INO80C: variants seen among roughly 807,000 people sequenced by gnomAD.
INO80C encodes the protein IES6 homolog.
A neutral mutation model predicts 17.7 loss-of-function variants in INO80C; 17 were observed. That is an observed-to-expected ratio of 0.96 (90% CI 0.66 to 1.44). The LOEUF is 1.44. Ranked by LOEUF, INO80C falls within the 40% of genes most tolerant of loss-of-function variation. The probability of loss-of-function intolerance (pLI) is 0.00; values close to 1 mark genes in which losing one functional copy is unlikely to be tolerated. For missense variants in INO80C, 244 were observed against 245.0 expected (o/e 1.00, Z 0.03); for synonymous variants, 96 against 95.8 (o/e 1.00, Z -0.01).
In INO80C at chr18:35,468,381, T is replaced by G; in HGVS notation, c.*230A>C. 3 of 1,370,226 alleles carry G rather than the reference T, an allele frequency of 2.2e-6. No homozygotes were observed. The highest frequency in any genetic ancestry group is 2.8e-6 in the Non-Finnish European group (3 of 1,060,656). The allele number at this position is 1,370,226 out of a possible 1,614,324, so 84.9% of individuals were successfully genotyped here. ...GTATCTTCTTGTCAAACACCTTTAC[T>G]TGAGGCAACAACTGAAGTATAATTT... On this transcript the variant is annotated 3_prime_UTR_variant, in exon 5 of 5. Coordinates refer to ENST00000334598, the MANE Select transcript of INO80C (RefSeq NM_194281.4).
At chr18:35,497,674 C>T (rs368750058) in intron 1 of INO80C, 45 bp downstream of exon 1, 69 of 1,586,282 alleles carry the variant, frequency 4.3e-5, no homozygotes, top group Admixed American at 1.6e-4. Flanking sequence ...CCGCCAAGTC[C>T]CGTTTCGCGA....
Position 35,481,040 on chromosome 18 carries a change from C to T in INO80C, c.157-477G>A, listed in dbSNP as rs2045801282. On this transcript the variant is annotated intron_variant, in intron 1 of 4. Coordinates refer to ENST00000334598, the MANE Select transcript of INO80C (RefSeq NM_194281.4). The stretch of plus-strand genomic sequence containing the variant: ...TTCTGACTTCCACTGATCTTATGAA[C>T]TCTGTCTTAAAATATTAAGACAACA... Among the ~76,000 whole-genome samples the T allele has an allele frequency of 2.0e-5, 3 of 152,316 alleles. No individual in the cohort carries two copies. In the South Asian group the frequency reaches 6.2e-4, roughly 32 times the overall value.
At chr18:35,481,861 G>GC (rs2045813118) in intron 1 of INO80C, among the ~76,000 whole-genome samples, 1 of 152,172 alleles carries the variant, frequency 6.6e-6, no homozygotes, top group Non-Finnish European at 1.5e-5. Context: ...TCCAGCCTGG[G>GC]CAACAGCGAG....
intron 1 of INO80C, among the ~76,000 whole-genome samples, chr18:35,489,914 C>G (rs907113420): frequency 1.3e-5 from 2 of 152,134 alleles, no homozygotes; most frequent in African/African-American, 2.4e-5. Flanking sequence ...ATCTTTCCCC[C>G]ATGCACGGTC....
At chr18:35,491,873 C>G (rs1173136579) in intron 1 of INO80C, among the ~76,000 whole-genome samples, 1 of 152,214 alleles carries the variant, frequency 6.6e-6, no homozygotes, top group Non-Finnish European at 1.5e-5. Context: ...CTAAGGGGCG[C>G]CCCCTCTTTG....
At chr18:35,481,378 A>T (rs1254401795) in intron 1 of INO80C, among the ~76,000 whole-genome samples, 1 of 152,274 alleles carries the variant, frequency 6.6e-6, no homozygotes, top group East Asian at 1.9e-4. Flanking sequence ...TGATTTACAT[A>T]CAGTGAAATA....
chr18:35,487,426 G>A, intron 1 of INO80C: 3 of 382,286 alleles, frequency 7.8e-6, no homozygotes, highest in South Asian at 3.8e-5. Context: ...CATGGCGGAA[G>A]GCAAGAGGCA....
intron 1 of INO80C, among the ~76,000 whole-genome samples, chr18:35,482,867 A>C (rs1057223270): frequency 6.6e-6 from 1 of 152,168 alleles, no homozygotes; most frequent in African/African-American, 2.4e-5. Context: ...TGCCTACTCC[A>C]GCCGATTCTC....
At chr18:35,481,483 C>T (rs935958243) in intron 1 of INO80C, among the ~76,000 whole-genome samples, 5 of 152,204 alleles carry the variant, frequency 3.3e-5, no homozygotes, top group Non-Finnish European at 7.3e-5. Flanking sequence ...CAACGGCAAC[C>T]GCTGTTCTAA....
chr18:35,468,792 A>T (rs771637980), intron 4 of INO80C, 50 bp from the exon 5 acceptor site: 15 of 1,551,880 alleles, frequency 9.7e-6, no homozygotes, highest in Middle Eastern at 1.7e-4. Flanking sequence ...GCTGGTAGGG[A>T]TATTTTAAGT....
intron 1 of INO80C, among the ~76,000 whole-genome samples, chr18:35,484,511 A>G (rs1405223299): frequency 2.6e-5 from 4 of 152,246 alleles, no homozygotes; most frequent in Non-Finnish European, 5.9e-5. Context: ...GACAGAAGAC[A>G]TTTGGTGGGG....
chr18:35,492,973 A>G (rs1285220440), intron 1 of INO80C, among the ~76,000 whole-genome samples: 1 of 152,240 alleles, frequency 6.6e-6, no homozygotes, highest in East Asian at 1.9e-4. Flanking sequence ...AGATCTAATT[A>G]ATAATCTTCT....
chr18:35,483,404 T>C (rs17561133), intron 1 of INO80C: 37,705 of 152,056 alleles, frequency 0.25, 4,895 homozygotes, highest in Middle Eastern at 0.35. Context: ...ATTGTATATA[T>C]GATTGATAGT....
At chr18:35,492,499 G>A (rs778079443) in intron 1 of INO80C, among the ~76,000 whole-genome samples, 1 of 152,082 alleles carries the variant, frequency 6.6e-6, no homozygotes, top group Non-Finnish European at 1.5e-5. Context: ...TATAATAGTT[G>A]TTGGGGAAGG....
rs1320367941 is a variant in INO80C at position 35,478,365 on chromosome 18, A to G, written c.380-16T>C. ...ATACTGAAGTCTGGGAAAAAAAAAA[A>G]AAAAAGATAACTAAACTGAACTGAA... On this transcript the variant is annotated splice_polypyrimidine_tract_variant and intron_variant, in intron 3 of 4. Coordinates refer to ENST00000334598, the MANE Select transcript of INO80C (RefSeq NM_194281.4). 1 of 1,560,586 alleles carries G rather than the reference A, an allele frequency of 6.4e-7. No homozygotes were observed. Among genetic ancestry groups the G allele is most frequent in the Non-Finnish European group, 8.7e-7 (1 of 1,153,058 alleles).
At position 35,480,564 on chromosome 18, in the gene INO80C, CT is replaced by C; in HGVS notation, c.157-2del. ...CACTCATGGCTTCCATGCTGATACC[CT>C]TAAAACATAATAAAAATAGTTTGAA... On this transcript the variant is annotated splice_acceptor_variant, in intron 1 of 4. Coordinates refer to ENST00000334598, the MANE Select transcript of INO80C (RefSeq NM_194281.4). LOFTEE classifies it high-confidence loss of function. 6.3e-7 allele frequency: 1 copy of C among 1,599,474 alleles called. No homozygotes were observed. Among genetic ancestry groups the C allele is most frequent in the Non-Finnish European group, 8.6e-7 (1 of 1,166,600 alleles).
At chr18:35,497,257 G>A (rs998138026) in intron 1 of INO80C, 1 of 864,228 alleles carries the variant, frequency 1.2e-6, no homozygotes, top group Non-Finnish European at 1.4e-6. Context: ...GAAACCCAGG[G>A]TCAAAAAAGC....
At chr18:35,497,621 C>T in intron 1 of INO80C, 98 bp downstream of exon 1, 10 of 1,476,198 alleles carry the variant, frequency 6.8e-6, no homozygotes, top group Non-Finnish European at 8.1e-6. Flanking sequence ...AGACCGCACG[C>T]GCAGCGCCCC....
rs2045635885 is a variant in INO80C at position 35,468,851 on chromosome 18, A to G, written c.448-109T>C. 18 of 971,216 alleles carry G rather than the reference A, an allele frequency of 1.9e-5. No individual in the cohort carries two copies. In the South Asian group the frequency reaches 2.8e-4, roughly 15 times the overall value. The allele number at this position is 971,216 out of a possible 1,614,324, so 60.2% of individuals were successfully genotyped here. A position where few individuals can be genotyped will look rare whatever the true frequency, so the allele number is the denominator to read the frequency against. On this transcript the variant is annotated intron_variant, in intron 4 of 4. Coordinates refer to ENST00000334598, the MANE Select transcript of INO80C (RefSeq NM_194281.4). The stretch of plus-strand genomic sequence containing the variant: ...TTCACTGAAAGTGATATATATTTTC[A>G]TTATGTCTTACTCTGCCACCAAGAA...
Sources: allele counts gnomAD v4.1 joint callset (sites outside exome capture counted in the v4.1 genomes callset), GRCh38; gene constraint gnomAD v4.1.1; transcripts MANE v1.5; gene names NCBI Gene and HGNC (gene_info 2026-07-23, HGNC 2026-07-21).